Variants in DSCAM observed in about 807,000 individuals in gnomAD.
DSCAM encodes the protein cell adhesion molecule DSCAM.
A neutral mutation model predicts 217.7 loss-of-function variants in DSCAM; 47 were observed. The observed-to-expected ratio is 0.22, with a 90% confidence interval of 0.17 to 0.28. The LOEUF (loss-of-function observed/expected upper bound fraction) is 0.28. Ranked by LOEUF, DSCAM falls within the 10% of genes least tolerant of loss-of-function variation. The pLI is 1.00. For synonymous variants in DSCAM, 1,056 were observed against 1,015.3 expected, an observed-to-expected ratio of 1.04 and a Z score of -0.76; for missense variants, 2,080 against 2,618.3, an observed-to-expected ratio of 0.79 and a Z score of 4.49.
chr21:40,839,851 C>G (rs556645380), intron 1 of DSCAM, among the ~76,000 whole-genome samples: 1 of 152,280 alleles, frequency 6.6e-6, no homozygotes, highest in Non-Finnish European at 1.5e-5. Context: ...ACTAGGGATA[C>G]AGGCAAGATT....
intron 3 of DSCAM, among the ~76,000 whole-genome samples, chr21:40,477,521 A>G (rs753773010): frequency 1.3e-5 from 2 of 152,198 alleles, no homozygotes; most frequent in African/African-American, 2.4e-5. Flanking sequence ...AATTATTTCC[A>G]CCATATGTAC....
intron 3 of DSCAM, among the ~76,000 whole-genome samples, chr21:40,508,724 A>C (rs2076228320): frequency 3.3e-5 from 4 of 121,722 alleles, no homozygotes; most frequent in South Asian, 2.9e-4. Flanking sequence ...GCAAACCACC[A>C]CACCCGGCAA....
chr21:40,450,358 A>G (rs1390280187), intron 3 of DSCAM, among the ~76,000 whole-genome samples: 7 of 152,166 alleles, frequency 4.6e-5, no homozygotes, highest in Non-Finnish European at 8.8e-5. Context: ...TAGATCCCAC[A>G]TGTTTTTGAT....
intron 3 of DSCAM, among the ~76,000 whole-genome samples, chr21:40,402,630 A>T (rs931769875): frequency 3.5e-5 from 5 of 144,816 alleles, no homozygotes; most frequent in South Asian, 2.1e-4. Flanking sequence ...AAACAGGATT[A>T]AAAAAAATGG....
At chr21:40,378,841 C>T (rs1025329487) in intron 3 of DSCAM, among the ~76,000 whole-genome samples, 5 of 151,964 alleles carry the variant, frequency 3.3e-5, no homozygotes, top group Admixed American at 6.5e-5. Context: ...GATCCGCCCG[C>T]CTCGGCCTCC....
chr21:40,120,949 C>A (rs2090026410), intron 20 of DSCAM, among the ~76,000 whole-genome samples: 1 of 152,082 alleles, frequency 6.6e-6, no homozygotes, highest in Non-Finnish European at 1.5e-5. Context: ...AATTTGGGAT[C>A]TTGAGAGAAA....
At chr21:40,454,643 C>A (rs535780314) in intron 3 of DSCAM, among the ~76,000 whole-genome samples, 50 of 152,266 alleles carry the variant, frequency 3.3e-4, no homozygotes, top group Admixed American at 7.2e-4. Context: ...TCCGTACATG[C>A]AAATCACCTT....
In DSCAM at chr21:40,808,171, CTCAAAGGGTCAGCTATTAAAATT is replaced by C. The variant is rs369415371; in HGVS notation, c.43+38425_43+38447del. 3.9e-3 allele frequency among the ~76,000 whole-genome samples: 596 copies of C among 152,290 alleles called. 2 individuals carry two copies. The highest frequency in any genetic ancestry group is 0.013 in the African/African-American group (542 of 41,544). Reference sequence around the variant, plus strand: ...GAATGACCATCCAGCTTCAATGTTCCTCAAAGGGTCAGCTATTAAAATTATTGAAGCAATGGGGGAATTCCACT... The same window carrying C: ...GAATGACCATCCAGCTTCAATGTTCCATTGAAGCAATGGGGGAATTCCACT... On this transcript the variant is annotated intron_variant, in intron 1 of 32. Transcript: ENST00000400454.
At chr21:40,787,639 G>A (rs953164821) in intron 1 of DSCAM, among the ~76,000 whole-genome samples, 3 of 152,034 alleles carry the variant, frequency 2.0e-5, no homozygotes, top group Non-Finnish European at 2.9e-5. Flanking sequence ...GAAGCAGTTC[G>A]GTGTAATACC....
At chr21:40,608,455 G>A (rs1195091060) in intron 3 of DSCAM, among the ~76,000 whole-genome samples, 1 of 152,180 alleles carries the variant, frequency 6.6e-6, no homozygotes, top group Non-Finnish European at 1.5e-5. Context: ...TTCCTAAACG[G>A]TGTTCTAAGG....
chr21:40,511,558 A>G (rs1413317379), intron 3 of DSCAM, among the ~76,000 whole-genome samples: 1 of 152,210 alleles, frequency 6.6e-6, no homozygotes, highest in Admixed American at 6.5e-5. Flanking sequence ...TAGAATCACT[A>G]ATGTTGTTTT....
intron 3 of DSCAM, among the ~76,000 whole-genome samples, chr21:40,377,429 A>G (rs909517178): frequency 9.9e-5 from 15 of 152,098 alleles, no homozygotes; most frequent in African/African-American, 3.6e-4. Flanking sequence ...ACAGAAAGAA[A>G]TTTAACCTAA....
In DSCAM at chr21:40,207,673, T is replaced by C. The variant is rs140565780; in HGVS notation, c.2357-18435A>G. 3.3e-5 allele frequency among the ~76,000 whole-genome samples: 5 copies of C among 152,298 alleles called. No individual in the cohort carries two copies. The East Asian group carries it at 9.7e-4, about 29-fold the overall frequency. ...AAAACACAAAAACTATAATGTAAAG[T>C]CTCAGAAAGATAGATCTGTGTTCAT... On this transcript the variant is annotated intron_variant, in intron 11 of 32. Transcript: ENST00000400454.
intron 3 of DSCAM, among the ~76,000 whole-genome samples, chr21:40,369,986 A>G (rs2074877748): frequency 1.3e-5 from 2 of 152,196 alleles, no homozygotes; most frequent in Admixed American, 1.3e-4. Context: ...ATGTCAGCAC[A>G]AAACAATGTC....
chr21:40,454,575 G>A (rs979843592), intron 3 of DSCAM, among the ~76,000 whole-genome samples: 1 of 152,160 alleles, frequency 6.6e-6, no homozygotes, highest in Non-Finnish European at 1.5e-5. Flanking sequence ...TTCACACGGG[G>A]AAGTGTTTAA....
rs5844027 is a variant in DSCAM at position 40,623,238 on chromosome 21, G to GA, written c.508+69571dup. Among the ~76,000 whole-genome samples, 22 of 149,926 alleles carry GA rather than the reference G, an allele frequency of 1.5e-4. No homozygotes were observed. The South Asian group carries it at 3.8e-3, about 26-fold the overall frequency. ...GCATAAAATATTTTGAAGCTATTCA[G>GA]AAAAAAAAAAACACATTAAAAACAA... On this transcript the variant is annotated intron_variant, in intron 3 of 32. Transcript: ENST00000400454.
intron 8 of DSCAM, among the ~76,000 whole-genome samples, chr21:40,318,007 T>G (rs1043101991): frequency 6.6e-6 from 1 of 152,126 alleles, no homozygotes; most frequent in Non-Finnish European, 1.5e-5. Flanking sequence ...CATGAACTCA[T>G]CATTTTTTAT....
chr21:40,113,902 G>A (rs1302149075), intron 20 of DSCAM, among the ~76,000 whole-genome samples: 2 of 151,948 alleles, frequency 1.3e-5, no homozygotes, highest in South Asian at 4.2e-4. Context: ...ACTGCTCAAC[G>A]AAATAAAAGA....
intron 3 of DSCAM, among the ~76,000 whole-genome samples, chr21:40,568,949 G>A (rs2076785476): frequency 6.6e-6 from 1 of 152,184 alleles, no homozygotes; most frequent in African/African-American, 2.4e-5. Flanking sequence ...GCATCTCCAG[G>A]TGCTGGGCAG....
Sources: allele counts gnomAD v4.1 joint callset (sites outside exome capture counted in the v4.1 genomes callset), GRCh38; gene constraint gnomAD v4.1.1; transcripts MANE v1.5; gene names NCBI Gene and HGNC (gene_info 2026-07-23, HGNC 2026-07-21).